Variants in USP54 observed in about 807,000 individuals in gnomAD.
USP54 encodes the protein ubiquitin specific peptidase 54, also known as ubiquitin carboxyl-terminal hydrolase 54.
USP54 carries 87 observed loss-of-function variants against 170.5 expected under a neutral mutation model. The observed-to-expected ratio is 0.51, with a 90% CI of 0.43 to 0.61. The LOEUF is 0.61. Ranked by LOEUF, USP54 falls within the 20% of genes least tolerant of loss-of-function variation. The probability of loss-of-function intolerance (pLI) is 0.00; values close to 1 mark genes in which losing one functional copy is unlikely to be tolerated. For missense variants in USP54, 1,786 were observed against 2,047.8 expected, an observed-to-expected ratio of 0.87 and a Z score of 2.47; for synonymous variants, 655 against 742.8, an observed-to-expected ratio of 0.88 and a Z score of 1.92.
At chr10:73,609,008 G>A (rs543191921) in intron 1 of USP54, among the ~76,000 whole-genome samples, 2 of 152,314 alleles carry the variant, frequency 1.3e-5, no homozygotes, top group South Asian at 4.1e-4. Context: ...GCTTAATTTG[G>A]TAATTACAAA....
rs551814112 is a variant in USP54, at chr10:73,614,098, A to T, written c.-18+11469T>A. On this transcript the variant is annotated intron_variant, in intron 1 of 22. Coordinates refer to the USP54 transcript ENST00000339859. ...ACACATGTAGTTACAGCTACTGGGG[A>T]GGCTAAAGTGGAAGGATCATTTGAG... 2.0e-5 allele frequency: 3 copies of T among 150,806 alleles called. No individual in the cohort carries two copies. In the East Asian group the frequency reaches 5.8e-4, roughly 29 times the overall value. 9.3% of individuals were successfully genotyped at this position (150,806 alleles called of 1,614,324 possible).
At chr10:73,510,851 G>A (rs1391801104) in intron 20 of USP54, among the ~76,000 whole-genome samples, 1 of 152,050 alleles carries the variant, frequency 6.6e-6, no homozygotes, top group Non-Finnish European at 1.5e-5. Flanking sequence ...CAAGTTCAAA[G>A]TACAATGAAA....
At chr10:73,559,842 G>C (rs1459116528) in intron 4 of USP54, among the ~76,000 whole-genome samples, 1 of 152,024 alleles carries the variant, frequency 6.6e-6, no homozygotes, top group Non-Finnish European at 1.5e-5. Context: ...AAGGAGGGCA[G>C]ATAGCTTGAG....
rs61761602 is a variant in USP54, at chr10:73,504,978, G to C, written c.4183C>G (p.Arg1395Gly). 18 of 1,613,880 alleles carry C rather than the reference G, an allele frequency of 1.1e-5. No homozygotes were observed. Among genetic ancestry groups the C allele is most frequent in the Non-Finnish European group, 4.2e-6 (5 of 1,180,000 alleles). ...TCCCCACACTCCCTGCTGAGGCCTC[G>C]GCAAGGTGTAGCCTTCAAACACACA... ...TVRTSQATPC[R>G]GLSRECGEDE... Residue 1395 changes from arginine (R) to glycine (G), a missense_variant, in exon 22 of 24, where the codon CGA becomes GGA. Coordinates refer to ENST00000687698, the MANE Select transcript of USP54 (RefSeq NM_001391956.1).
chr10:73,622,879 G>A (rs1222650595), intron 1 of USP54, among the ~76,000 whole-genome samples: 1 of 151,736 alleles, frequency 6.6e-6, no homozygotes, highest in Non-Finnish European at 1.5e-5. Flanking sequence ...GGAGACTGAG[G>A]CTGCAGTGAG....
chr10:73,526,823 G>T, intron 15 of USP54, 43 bp from the exon 16 acceptor site: 1 of 1,598,156 alleles, frequency 6.3e-7, no homozygotes, highest in Non-Finnish European at 8.5e-7. Flanking sequence ...ATGAAAGCAG[G>T]TTATAGCAAC....
chr10:73,515,927 CAA>C (rs2060994750), intron 20 of USP54: 1 of 155,208 alleles, frequency 6.4e-6, no homozygotes, highest in Non-Finnish European at 1.4e-5. Flanking sequence ...GGACTACAGG[CAA>C]GTACCACCAC....
intron 1 of USP54, among the ~76,000 whole-genome samples, chr10:73,603,461 T>C (rs2079360903): frequency 6.6e-6 from 1 of 152,200 alleles, no homozygotes; most frequent in Non-Finnish European, 1.5e-5. Flanking sequence ...ACATCTGTAA[T>C]GCCAGCACTT....
At chr10:73,541,587 G>A (rs777517005) in intron 8 of USP54, 46 bp downstream of exon 8, 75 of 1,613,048 alleles carry the variant, frequency 4.6e-5, no homozygotes, top group Non-Finnish European at 5.7e-5. Flanking sequence ...TCCACTGATC[G>A]ATGGTTCCCT....
At chr10:73,590,993 A>G in intron 1 of USP54, among the ~76,000 whole-genome samples, 1 of 151,102 alleles carries the variant, frequency 6.6e-6, no homozygotes, top group East Asian at 2.0e-4. Context: ...ACTCAAGAAA[A>G]TCTATGAATT....
intron 4 of USP54, among the ~76,000 whole-genome samples, chr10:73,563,437 T>C (rs935899141): frequency 6.6e-6 from 1 of 152,116 alleles, no homozygotes; most frequent in African/African-American, 2.4e-5. Context: ...TTATCTTTTA[T>C]TTATTTATTT....
chr10:73,624,810 T>A (rs887874800), intron 1 of USP54, among the ~76,000 whole-genome samples: 1 of 152,182 alleles, frequency 6.6e-6, no homozygotes, highest in African/African-American at 2.4e-5. Context: ...ACATCTTTTA[T>A]TTCAACATTG....
At chr10:73,588,678 C>T (rs2077827612) in intron 1 of USP54, among the ~76,000 whole-genome samples, 2 of 152,202 alleles carry the variant, frequency 1.3e-5, no homozygotes. Context: ...ACTTCAGTGA[C>T]AAAATACAGC....
At chr10:73,528,428 T>C (rs1280104619) in intron 15 of USP54, among the ~76,000 whole-genome samples, 1 of 151,060 alleles carries the variant, frequency 6.6e-6, no homozygotes, top group Non-Finnish European at 1.5e-5. Flanking sequence ...ATTTTTGTTT[T>C]TGTATCTTTA....
intron 4 of USP54, among the ~76,000 whole-genome samples, chr10:73,570,703 AC>A (rs144653345): frequency 0.035 from 5,351 of 152,080 alleles, 153 homozygotes; most frequent in South Asian, 0.11. Flanking sequence ...GTGCCACCTC[AC>A]CCGTTGTACT....
At chr10:73,573,820 G>C (rs2075669388) in intron 3 of USP54, among the ~76,000 whole-genome samples, 2 of 152,294 alleles carry the variant, frequency 1.3e-5, no homozygotes, top group Admixed American at 6.5e-5. Context: ...ACCTAGATAA[G>C]CTTGGCAACA....
chr10:73,524,862 T>C (rs2062581462), intron 16 of USP54, among the ~76,000 whole-genome samples: 1 of 152,164 alleles, frequency 6.6e-6, no homozygotes, highest in Admixed American at 6.5e-5. Context: ...TAGGTTAAAT[T>C]CATAATCATG....
chr10:73,599,899 C>CTTTTTTT (rs536461848), intron 1 of USP54, among the ~76,000 whole-genome samples: 2 of 117,972 alleles, frequency 1.7e-5, no homozygotes, highest in Non-Finnish European at 1.8e-5. Flanking sequence ...GCACTTTGGG[C>CTTTTTTT]TTTTTTTTTT....
chr10:73,504,661 G>T, intron 22 of USP54, 189 bp downstream of exon 22: 1 of 757,530 alleles, frequency 1.3e-6, no homozygotes, highest in Non-Finnish European at 2.1e-6. Context: ...ACATGGAATG[G>T]ACATTCCTCT....
Sources: allele counts gnomAD v4.1 joint callset (sites outside exome capture counted in the v4.1 genomes callset), GRCh38; gene constraint gnomAD v4.1.1; transcripts MANE v1.5; gene names NCBI Gene and HGNC (gene_info 2026-07-23, HGNC 2026-07-21).